Variants in CSMD1 observed in about 807,000 individuals in gnomAD.
CSMD1 encodes CUB and sushi domain-containing protein 1.
A neutral mutation model predicts 417.5 loss-of-function variants in CSMD1; 213 were observed. The ratio of observed to expected loss-of-function variants is 0.51; its 90% CI spans 0.46 to 0.57. CSMD1 has a LOEUF of 0.57. CSMD1 is among the 20% of genes least tolerant of loss of function. The probability of loss-of-function intolerance (pLI) is 0.00; values close to 1 mark genes in which losing one functional copy is unlikely to be tolerated. For missense variants in CSMD1, 6,923 were observed against 4,529.7 expected (o/e 1.53, Z -15.17); for synonymous variants, 2,862 against 1,736.8 (o/e 1.65, Z -16.11).
chr8:4,060,328 G>A (rs1400962094), intron 3 of CSMD1, among the ~76,000 whole-genome samples: 1 of 152,170 alleles, frequency 6.6e-6, no homozygotes, highest in Admixed American at 6.5e-5. Context: ...CAAACCCACA[G>A]CCGATATCAT....
chr8:3,449,979 G>C (rs1048783816), intron 12 of CSMD1, among the ~76,000 whole-genome samples: 1 of 152,166 alleles, frequency 6.6e-6, no homozygotes, highest in Non-Finnish European at 1.5e-5. Context: ...TTTTAAAGTG[G>C]AAAAGCCAGA....
intron 1 of CSMD1, among the ~76,000 whole-genome samples, chr8:4,895,586 T>C (rs965528893): frequency 2.0e-5 from 3 of 152,144 alleles, no homozygotes; most frequent in South Asian, 2.1e-4. Flanking sequence ...GTATTGATTA[T>C]AGTTATTCGG....
intron 1 of CSMD1, among the ~76,000 whole-genome samples, chr8:4,705,043 G>T (rs1807835142): frequency 6.6e-6 from 1 of 152,154 alleles, no homozygotes; most frequent in Non-Finnish European, 1.5e-5. Context: ...TTCCCATGCT[G>T]TTCTCATGCT....
intron 2 of CSMD1, among the ~76,000 whole-genome samples, chr8:4,582,928 G>A (rs1799494541): frequency 6.6e-6 from 1 of 152,322 alleles, no homozygotes; most frequent in Admixed American, 6.5e-5. Context: ...CGGAGCAGCT[G>A]GCCGGCCCTG....
intron 26 of CSMD1, among the ~76,000 whole-genome samples, chr8:3,233,968 T>C (rs995450552): frequency 1.3e-5 from 2 of 152,214 alleles, no homozygotes; most frequent in Non-Finnish European, 1.5e-5. Context: ...GTTGCATGCA[T>C]CTATGTCTCT....
At chr8:4,795,428 CG>C (rs1169214761) in intron 1 of CSMD1, among the ~76,000 whole-genome samples, 3 of 151,566 alleles carry the variant, frequency 2.0e-5, no homozygotes, top group African/African-American at 7.3e-5. Context: ...CCCAGCACCA[CG>C]CCAGGCTAAC....
intron 3 of CSMD1, among the ~76,000 whole-genome samples, chr8:4,203,473 G>A: frequency 6.6e-6 from 1 of 152,136 alleles, no homozygotes; most frequent in Non-Finnish European, 1.5e-5. Flanking sequence ...TTTCTATAAT[G>A]AAGAAAACAT....
intron 23 of CSMD1, among the ~76,000 whole-genome samples, chr8:3,321,436 TTCC>T (rs904126063): frequency 6.6e-6 from 1 of 152,166 alleles, no homozygotes; most frequent in Non-Finnish European, 1.5e-5. Context: ...CTGAAGGCTC[TTCC>T]TCCTCCCTGA....
intron 49 of CSMD1, among the ~76,000 whole-genome samples, chr8:3,084,541 A>AAAAT: frequency 6.6e-6 from 1 of 151,892 alleles, no homozygotes; most frequent in African/African-American, 2.4e-5. Context: ...AAAAAAAAAA[A>AAAAT]AATCTACATT....
chr8:4,044,200 G>A (rs1798033920), intron 3 of CSMD1, among the ~76,000 whole-genome samples: 1 of 152,090 alleles, frequency 6.6e-6, no homozygotes, highest in African/African-American at 2.4e-5. Context: ...TGAGGGATCT[G>A]CACAATAACT....
chr8:3,275,814 C>G (rs1802240696), intron 26 of CSMD1, among the ~76,000 whole-genome samples: 1 of 152,056 alleles, frequency 6.6e-6, no homozygotes, highest in South Asian at 2.1e-4. Flanking sequence ...ATTGGTTATT[C>G]TAGTTATACA....
chr8:4,910,325 A>G (rs1395020403), intron 1 of CSMD1, among the ~76,000 whole-genome samples: 1 of 152,184 alleles, frequency 6.6e-6, no homozygotes, highest in Non-Finnish European at 1.5e-5. Context: ...TTTTTCTGTC[A>G]ATGTTGATGA....
intron 9 of CSMD1, among the ~76,000 whole-genome samples, chr8:3,577,733 T>C (rs972464694): frequency 2.6e-5 from 4 of 152,230 alleles, no homozygotes; most frequent in African/African-American, 7.2e-5. Flanking sequence ...ACTTTCTCAA[T>C]GTTTGCCTTT....
At chr8:4,036,868 T>TC (rs1392804183) in intron 3 of CSMD1, among the ~76,000 whole-genome samples, 1 of 152,210 alleles carries the variant, frequency 6.6e-6, no homozygotes, top group African/African-American at 2.4e-5. Context: ...ATGAGGTATG[T>TC]CCAGTTTCCT....
At chr8:4,425,732 A>T (rs1427576249) in intron 2 of CSMD1, among the ~76,000 whole-genome samples, 2 of 152,194 alleles carry the variant, frequency 1.3e-5, no homozygotes, top group African/African-American at 4.8e-5. Flanking sequence ...ATTTTGAAGT[A>T]AAATGGATTT....
chr8:4,171,842 C>T (rs959256648), intron 3 of CSMD1, among the ~76,000 whole-genome samples: 2 of 152,046 alleles, frequency 1.3e-5, no homozygotes, highest in African/African-American at 2.4e-5. Flanking sequence ...ATAAAAAATG[C>T]CCATTATGTG....
intron 5 of CSMD1, among the ~76,000 whole-genome samples, chr8:3,937,393 A>G (rs972047435): frequency 6.6e-6 from 1 of 152,306 alleles, no homozygotes; most frequent in African/African-American, 2.4e-5. Flanking sequence ...CTGTTGTCTT[A>G]TTTTAAGAAA....
At chr8:3,326,666 A>C (rs1332327972) in intron 23 of CSMD1, among the ~76,000 whole-genome samples, 2 of 152,138 alleles carry the variant, frequency 1.3e-5, no homozygotes, top group Non-Finnish European at 2.9e-5. Context: ...TAAAATGCCC[A>C]CCTTGTTTCA....
At chr8:4,349,457 G>A (rs1028073254) in intron 3 of CSMD1, among the ~76,000 whole-genome samples, 4 of 152,144 alleles carry the variant, frequency 2.6e-5, no homozygotes, top group African/African-American at 4.8e-5. Flanking sequence ...CTAGTGATAT[G>A]TCTCAGGTTA....
Sources: gnomAD v4.1 joint callset for allele counts (sites outside exome capture counted in the v4.1 genomes callset) on GRCh38, gnomAD v4.1.1 for gene constraint, MANE v1.5 for transcripts, NCBI Gene and HGNC (gene_info 2026-07-23, HGNC 2026-07-21) for gene names.